CCDC144A: variants seen among roughly 807,000 people sequenced by gnomAD.
CCDC144A encodes coiled-coil domain containing 144A.
A neutral mutation model predicts 143.8 loss-of-function variants in CCDC144A; 41 were observed. The observed-to-expected ratio is 0.29, with a 90% CI of 0.22 to 0.37. The LOEUF is 0.37. Ranked by LOEUF, CCDC144A falls within the 10% of genes least tolerant of loss-of-function variation. The pLI, the probability that CCDC144A is intolerant of heterozygous loss-of-function variation, is 1.00. For synonymous variants in CCDC144A, 242 were observed against 517.9 expected (o/e 0.47, Z 7.23); for missense variants, 637 against 1,488.8 (o/e 0.43, Z 9.41).
chr17:16,669,496 A>G, the CCDC144A span, among the ~76,000 whole-genome samples: 5 of 152,194 alleles, frequency 3.3e-5, no homozygotes, highest in Non-Finnish European at 7.3e-5. Flanking sequence ...ACCCAATTTA[A>G]TATTTCTGTG....
chr17:16,679,637 C>A, the CCDC144A span, among the ~76,000 whole-genome samples: 1 of 151,776 alleles, frequency 6.6e-6, no homozygotes, highest in East Asian at 1.9e-4. Context: ...TTATATCCCC[C>A]CAAAAGTTCA....
chr17:16,703,621 G>A (rs1341658247), intron 2 of CCDC144A, among the ~76,000 whole-genome samples: 2 of 152,126 alleles, frequency 1.3e-5, no homozygotes, highest in Non-Finnish European at 2.9e-5. Context: ...TGGCTAACAC[G>A]GTGAAACCCC....
Position 16,773,407 on chromosome 17 carries a change from C to T in CCDC144A, c.4142-90C>T. On this transcript the variant is annotated intron_variant, in intron 16 of 16. Coordinates refer to ENST00000399273, the MANE Select transcript of CCDC144A (RefSeq NM_001382000.1). The stretch of plus-strand genomic sequence containing the variant: ...AGACTGCAGTGACCTGTGATCACAC[C>T]ATGGCACTCCAGCATAGGTGAAAGA... 4 of 1,476,686 alleles carry T rather than the reference C, an allele frequency of 2.7e-6. No individual in the cohort carries two copies. The South Asian group carries it at 4.1e-5, about 15-fold the overall frequency. The allele number at this position is 1,476,686 out of a possible 1,614,324, so 91.5% of individuals were successfully genotyped here. A position where few individuals can be genotyped will look rare whatever the true frequency, so the allele number is the denominator to read the frequency against.
intron 9 of CCDC144A, among the ~76,000 whole-genome samples, chr17:16,728,458 T>A (rs1004773890): frequency 2.0e-4 from 31 of 152,220 alleles, no homozygotes; most frequent in Non-Finnish European, 3.1e-4. Context: ...CTTTGATCAA[T>A]ATTTCTTAAT....
chr17:16,722,673 A>G (rs1270042382), intron 8 of CCDC144A, among the ~76,000 whole-genome samples: 3 of 152,138 alleles, frequency 2.0e-5, no homozygotes, highest in African/African-American at 4.8e-5. Context: ...TCATCTGTTC[A>G]TCTTTTCCCA....
the CCDC144A span, among the ~76,000 whole-genome samples, chr17:16,675,000 G>T: frequency 6.7e-6 from 1 of 149,890 alleles, no homozygotes; most frequent in Non-Finnish European, 1.5e-5. Context: ...CGGGCGTGGT[G>T]GCTCATGCCT....
chr17:16,710,740 C>T (rs1180426232), intron 5 of CCDC144A, among the ~76,000 whole-genome samples: 1 of 152,086 alleles, frequency 6.6e-6, no homozygotes, highest in Non-Finnish European at 1.5e-5. Context: ...TAGGGCAGGC[C>T]TCCCACCCTC....
chr17:16,682,638 CA>C, the CCDC144A span, among the ~76,000 whole-genome samples: 1 of 151,872 alleles, frequency 6.6e-6, no homozygotes, highest in African/African-American at 2.4e-5. Context: ...TAAAAAATGT[CA>C]GGGGAAAGTG....
At chr17:16,677,247 G>A in the CCDC144A span, among the ~76,000 whole-genome samples, 13 of 152,052 alleles carry the variant, frequency 8.5e-5, no homozygotes, top group African/African-American at 3.1e-4. Context: ...ACTCCAAATG[G>A]TCAGTTGCCT....
intron 8 of CCDC144A, among the ~76,000 whole-genome samples, chr17:16,723,824 A>G (rs1469489356): frequency 2.0e-5 from 3 of 152,234 alleles, no homozygotes; most frequent in African/African-American, 7.2e-5. Context: ...GGGAGGATGC[A>G]AATGTCAGAC....
chr17:16,768,792 T>TC (rs1453030349), intron 15 of CCDC144A, among the ~76,000 whole-genome samples: 14 of 151,566 alleles, frequency 9.2e-5, no homozygotes, highest in African/African-American at 2.4e-5. Flanking sequence ...CTATATTTCT[T>TC]TAAAAAAATT....
At chr17:16,683,494 G>A in the CCDC144A span, 1 of 1,472,314 alleles carries the variant, frequency 6.8e-7, no homozygotes, top group Non-Finnish European at 9.5e-7. Flanking sequence ...CCCTGCCGCC[G>A]CTCTCGCGGG....
At chr17:16,699,821 TG>T (rs1173179998) in intron 2 of CCDC144A, among the ~76,000 whole-genome samples, 2 of 151,962 alleles carry the variant, frequency 1.3e-5, no homozygotes, top group Non-Finnish European at 2.9e-5. Context: ...ATAGGATTGT[TG>T]CTTTTTAAAA....
chr17:16,763,111 A>G (rs1306857983), intron 14 of CCDC144A, among the ~76,000 whole-genome samples: 1 of 150,748 alleles, frequency 6.6e-6, no homozygotes, highest in African/African-American at 2.5e-5. Flanking sequence ...TGAAGCAGAG[A>G]ATGATCAACT....
intron 12 of CCDC144A, among the ~76,000 whole-genome samples, chr17:16,757,098 C>T (rs1222486810): frequency 6.6e-6 from 1 of 152,266 alleles, no homozygotes; most frequent in African/African-American, 2.4e-5. Flanking sequence ...TGGTCTGGCC[C>T]TTGGGCCTCC....
chr17:16,687,243 C>G (rs1910814554), upstream of CCDC144A, among the ~76,000 whole-genome samples: 1 of 152,010 alleles, frequency 6.6e-6, no homozygotes, highest in South Asian at 2.1e-4. Flanking sequence ...AAGACAGCTG[C>G]AAAATGCAAG....
intron 14 of CCDC144A, among the ~76,000 whole-genome samples, chr17:16,763,513 A>G (rs1304409955): frequency 2.0e-5 from 3 of 149,474 alleles, no homozygotes; most frequent in Non-Finnish European, 4.4e-5. Flanking sequence ...TATATATTTA[A>G]GGAGTACAAC....
intron 12 of CCDC144A, among the ~76,000 whole-genome samples, chr17:16,753,428 G>GTTTTTTGTTGTTGTTGTTGTTT (rs1914895477): frequency 1.7e-5 from 1 of 57,374 alleles, no homozygotes; most frequent in Non-Finnish European, 3.2e-5. Context: ...GTGTTTTGTA[G>GTTTTTTGTTGTTGTTGTTGTTT]TTTTTTTTTT....
At chr17:16,729,963 CATATATATATATATATAT>C (rs59756018) in intron 9 of CCDC144A, among the ~76,000 whole-genome samples, 3 of 94,096 alleles carry the variant, frequency 3.2e-5, no homozygotes, top group South Asian at 3.8e-4. Flanking sequence ...TAGGTAGTTT[CATATATATATATATATAT>C]ATATATATAT....
Sources: allele counts gnomAD v4.1 joint callset (sites outside exome capture counted in the v4.1 genomes callset), GRCh38; gene constraint gnomAD v4.1.1; transcripts MANE v1.5; gene names NCBI Gene and HGNC (gene_info 2026-07-23, HGNC 2026-07-21).